Variants in RAB27B observed in about 807,000 individuals in gnomAD.
RAB27B encodes ras-related protein Rab-27B.
Under a neutral mutation model 24.6 loss-of-function variants are expected in RAB27B, and 15 were observed. That is an observed-to-expected ratio of 0.61 (90% CI 0.41 to 0.94). The LOEUF is 0.94. Among genes scored for constraint, RAB27B ranks in the 40% least tolerant of loss-of-function variants. RAB27B has a pLI of 0.00. For missense variants in RAB27B, 261 were observed against 266.8 expected (o/e 0.98, Z 0.15); for synonymous variants, 105 against 92.5 (o/e 1.14, Z -0.78).
At chr18:54,745,881 T>A (rs1211489072) in intron 2 of RAB27B, among the ~76,000 whole-genome samples, 1 of 148,586 alleles carries the variant, frequency 6.7e-6, no homozygotes, top group Admixed American at 6.7e-5. Flanking sequence ...ATATAAGTAT[T>A]TATAAATATT....
At chr18:54,805,212 A>G (rs1401181618) in intron 2 of RAB27B, among the ~76,000 whole-genome samples, 1 of 152,028 alleles carries the variant, frequency 6.6e-6, no homozygotes, top group Non-Finnish European at 1.5e-5. Flanking sequence ...GGCATCACAG[A>G]CAGCAAGTGG....
intron 2 of RAB27B, among the ~76,000 whole-genome samples, chr18:54,801,919 A>C (rs1333958434): frequency 6.6e-6 from 1 of 152,190 alleles, no homozygotes; most frequent in Non-Finnish European, 1.5e-5. Context: ...GGAGGGCTAC[A>C]GAGAATTGAG....
chr18:54,831,653 A>G lies in RAB27B; in HGVS notation c.-20+2953A>G, dbSNP rs1015275385. On this transcript the variant is annotated intron_variant, in intron 1 of 5. Transcript: ENST00000262094. The stretch of plus-strand genomic sequence containing the variant: ...AGACGGATAAGTAAATAAACAAATT[A>G]GTAATTCTGGAACTTTTAGTGATAC... 3.9e-5 allele frequency among the ~76,000 whole-genome samples: 6 copies of G among 152,334 alleles called. No individual in the cohort carries two copies. In the South Asian group the frequency reaches 6.2e-4, roughly 16 times the overall value.
chr18:54,844,403 C>CTT (rs1568092666), intron 1 of RAB27B, among the ~76,000 whole-genome samples: 6 of 95,268 alleles, frequency 6.3e-5, no homozygotes, highest in African/African-American at 2.4e-4. Flanking sequence ...TCTTTCTTTT[C>CTT]TTTTCTTTTT....
chr18:54,752,251 T>C (rs1907856847), intron 2 of RAB27B, among the ~76,000 whole-genome samples: 1 of 152,220 alleles, frequency 6.6e-6, no homozygotes, highest in Non-Finnish European at 1.5e-5. Flanking sequence ...GCCATAGCCT[T>C]GGTTCATTCA....
chr18:54,788,665 CT>C (rs1909162721), intron 2 of RAB27B, among the ~76,000 whole-genome samples: 1 of 152,124 alleles, frequency 6.6e-6, no homozygotes, highest in Non-Finnish European at 1.5e-5. Flanking sequence ...CTAATTTTAC[CT>C]TTGGTTCTCT....
chr18:54,745,471 C>G (rs1910206940), intron 2 of RAB27B: 1 of 153,904 alleles, frequency 6.5e-6, no homozygotes, highest in African/African-American at 2.4e-5. Context: ...TACCTCTGGG[C>G]CCACTCAGCA....
At chr18:54,827,726 G>A (rs118177573), upstream of RAB27B, among the ~76,000 whole-genome samples, 1 of 152,108 alleles carries the variant, frequency 6.6e-6, no homozygotes, top group East Asian at 1.9e-4. Context: ...GGAGTAAATC[G>A]GTTGTTATTA....
At chr18:54,786,576 G>C (rs748341111) in intron 2 of RAB27B, among the ~76,000 whole-genome samples, 1 of 152,238 alleles carries the variant, frequency 6.6e-6, no homozygotes, top group Admixed American at 6.5e-5. Flanking sequence ...CACATATTTT[G>C]TGTCTTTAAC....
chr18:54,840,436 G>A (rs541485295), intron 1 of RAB27B, among the ~76,000 whole-genome samples: 50 of 152,222 alleles, frequency 3.3e-4, no homozygotes, highest in Non-Finnish European at 2.9e-4. Context: ...AAAATCCAAA[G>A]TCATGCCTAA....
chr18:54,797,439 C>T (rs574150679), intron 2 of RAB27B, among the ~76,000 whole-genome samples: 6 of 152,256 alleles, frequency 3.9e-5, no homozygotes, highest in Non-Finnish European at 8.8e-5. Context: ...TTGCTTGACC[C>T]TGGGAGGTGG....
rs183926561 is a variant in RAB27B at position 54,817,469 on chromosome 18, C to T, written c.-19-60098C>T. On this transcript the variant is annotated intron_variant, in intron 2 of 4. Coordinates refer to the RAB27B transcript ENST00000586570. ...AGGCTGTATGCATCACTCTGTTCTA[C>T]TACCAATAAATATTTTATCATAAAT... Among the ~76,000 whole-genome samples the T allele has an allele frequency of 8.1e-4, 123 of 152,226 alleles. 1 individual carries two copies. The highest frequency in any genetic ancestry group is 2.8e-3 in the African/African-American group (115 of 41,550).
At chr18:54,744,324 A>C (rs1910165251) in intron 2 of RAB27B, among the ~76,000 whole-genome samples, 1 of 152,182 alleles carries the variant, frequency 6.6e-6, no homozygotes, top group Admixed American at 6.6e-5. Context: ...AGAAGATAAA[A>C]ACCTGTTTTT....
rs915077654 is a variant in RAB27B at position 54,892,049 on chromosome 18, T to C, written c.*2636T>C. The stretch of plus-strand genomic sequence containing the variant: ...AATTCATTTTACAATTTCAAATTGT[T>C]CTGGTGCCATAAAGTATACAGACTA... On this transcript the variant is annotated 3_prime_UTR_variant, in exon 6 of 6. Transcript: ENST00000262094. 2.6e-5 allele frequency: 4 copies of C among 152,210 alleles called. No individual in the cohort carries two copies. The highest frequency in any genetic ancestry group is 5.9e-5 in the Non-Finnish European group (4 of 67,982). The allele number at this position is 152,210 out of a possible 1,614,324, so 9.4% of individuals were successfully genotyped here.
chr18:54,793,570 G>C (rs532497781), intron 2 of RAB27B, among the ~76,000 whole-genome samples: 8 of 152,320 alleles, frequency 5.3e-5, no homozygotes, highest in African/African-American at 1.4e-4. Context: ...CCTAGGATCT[G>C]TCTCTTCCAA....
At chr18:54,850,357 T>TATATATATATATATATATATAC (rs1264669719) in intron 1 of RAB27B, among the ~76,000 whole-genome samples, 19 of 130,550 alleles carry the variant, frequency 1.5e-4, no homozygotes, top group South Asian at 2.4e-4. Context: ...TATATATATA[T>TATATATATATATATATATATAC]ATACATACAT....
intron 1 of RAB27B, among the ~76,000 whole-genome samples, chr18:54,832,159 G>C (rs1435771587): frequency 6.6e-6 from 1 of 152,154 alleles, no homozygotes. Flanking sequence ...CCAGTTAGGA[G>C]GCTATTCCAG....
intron 2 of RAB27B, among the ~76,000 whole-genome samples, chr18:54,769,624 A>G (rs1908480664): frequency 6.6e-6 from 1 of 152,160 alleles, no homozygotes; most frequent in African/African-American, 2.4e-5. Context: ...TAGGGTTTCC[A>G]GTTGTGGTTA....
intron 1 of RAB27B, among the ~76,000 whole-genome samples, chr18:54,870,480 C>T (rs1341101701): frequency 1.3e-5 from 2 of 152,082 alleles, no homozygotes; most frequent in Non-Finnish European, 2.9e-5. Flanking sequence ...CACTGCTACT[C>T]TTTAATTTTA....
Sources: allele counts gnomAD v4.1 joint callset (sites outside exome capture counted in the v4.1 genomes callset), GRCh38; gene constraint gnomAD v4.1.1; transcripts MANE v1.5; gene names NCBI Gene and HGNC (gene_info 2026-07-23, HGNC 2026-07-21).